ARHGAP15: variants seen among roughly 807,000 people sequenced by gnomAD.
ARHGAP15 encodes the protein Rho GTPase activating protein 15, also known as rho GTPase-activating protein 15.
A neutral mutation model predicts 63.7 loss-of-function variants in ARHGAP15; 51 were observed. The ratio of observed to expected loss-of-function variants is 0.80; its 90% confidence interval spans 0.64 to 1.01. The LOEUF (loss-of-function observed/expected upper bound fraction) is 1.01, where lower values mean the gene tolerates loss of function less well. Among genes scored for constraint, ARHGAP15 ranks in the 50% least tolerant of loss-of-function variants. The pLI is 0.00. For synonymous variants in ARHGAP15, 191 were observed against 193.8 expected (o/e 0.99, Z 0.12); for missense variants, 560 against 564.6 (o/e 0.99, Z 0.08).
rs569056735 is a variant in ARHGAP15 at position 143,191,706 on chromosome 2, T to C, written c.166-10428T>C. On this transcript the variant is annotated intron_variant, in intron 2 of 13. Coordinates refer to ENST00000295095, the MANE Select transcript of ARHGAP15 (RefSeq NM_018460.4). ...ACCACAGCAATCAGATTAATGAGTT[T>C]TGGATCAATCTAGTCATTCTTTTTT... 7.9e-4 allele frequency among the ~76,000 whole-genome samples: 121 copies of C among 152,306 alleles called. 1 individual carries two copies. Among genetic ancestry groups the C allele is most frequent in the African/African-American group, 2.8e-3 (118 of 41,562 alleles).
chr2:143,256,773 G>A (rs1036032103), intron 6 of ARHGAP15, among the ~76,000 whole-genome samples: 1 of 151,996 alleles, frequency 6.6e-6, no homozygotes, highest in Non-Finnish European at 1.5e-5. Flanking sequence ...TATAATTAGA[G>A]ATTTGATTTA....
chr2:143,183,944 T>C (rs116365391), intron 2 of ARHGAP15, among the ~76,000 whole-genome samples: 352 of 152,278 alleles, frequency 2.3e-3, no homozygotes, highest in African/African-American at 8.2e-3. Flanking sequence ...GCCCTTGCTC[T>C]TGAGAGCTCG....
chr2:143,369,242 C>T (rs1686435377), intron 6 of ARHGAP15, among the ~76,000 whole-genome samples: 1 of 152,066 alleles, frequency 6.6e-6, no homozygotes, highest in South Asian at 2.1e-4. Flanking sequence ...TTCAGTGATA[C>T]TTATGCTCTT....
At chr2:143,573,635 C>T (rs1199969769) in intron 11 of ARHGAP15, among the ~76,000 whole-genome samples, 1 of 152,100 alleles carries the variant, frequency 6.6e-6, no homozygotes, top group Non-Finnish European at 1.5e-5. Context: ...TTATAATCAC[C>T]CCATCCTTCA....
chr2:143,556,782 A>G (rs1695818677), intron 11 of ARHGAP15, among the ~76,000 whole-genome samples: 1 of 152,132 alleles, frequency 6.6e-6, no homozygotes. Flanking sequence ...ACCCAGATTC[A>G]AAAAATGTTA....
chr2:143,590,384 G>A (rs1319285589), intron 11 of ARHGAP15, among the ~76,000 whole-genome samples: 1 of 152,168 alleles, frequency 6.6e-6, no homozygotes, highest in African/African-American at 2.4e-5. Flanking sequence ...TGAGCAGAAG[G>A]ATCTTGCAGT....
chr2:143,351,020 C>A (rs1685546121), intron 6 of ARHGAP15: 1 of 151,686 alleles, frequency 6.6e-6, no homozygotes, highest in African/African-American at 2.4e-5. Context: ...TTATATAGTA[C>A]CCAGAAGGTC....
Position 143,199,006 on chromosome 2 carries a change from A to T in ARHGAP15, c.166-3128A>T, listed in dbSNP as rs560926476. On this transcript the variant is annotated intron_variant, in intron 2 of 13. Transcript: ENST00000295095. The stretch of plus-strand genomic sequence containing the variant: ...GACGTATGTATGAAATTTTCAGTGG[A>T]GAGTATAAATCTTAGTATAATGAGT... Among the ~76,000 whole-genome samples the T allele has an allele frequency of 2.0e-5, 3 of 152,258 alleles. No individual in the cohort carries two copies. The South Asian group carries it at 6.2e-4, about 32-fold the overall frequency.
At chr2:143,269,365 A>G (rs530503343) in intron 6 of ARHGAP15, among the ~76,000 whole-genome samples, 3 of 152,202 alleles carry the variant, frequency 2.0e-5, no homozygotes, top group Non-Finnish European at 4.4e-5. Flanking sequence ...TACGGAAGTC[A>G]TGATCCTTAC....
chr2:143,132,919 C>A (rs560532683), intron 1 of ARHGAP15, among the ~76,000 whole-genome samples: 1 of 151,904 alleles, frequency 6.6e-6, no homozygotes, highest in South Asian at 2.1e-4. Context: ...GTATGTTTGA[C>A]AACTCCTCAC....
chr2:143,543,904 A>T (rs1022889607), intron 10 of ARHGAP15, among the ~76,000 whole-genome samples: 1 of 152,166 alleles, frequency 6.6e-6, no homozygotes, highest in Admixed American at 6.5e-5. Flanking sequence ...GTACAGAATG[A>T]AGCTGAGAAG....
intron 11 of ARHGAP15, among the ~76,000 whole-genome samples, chr2:143,605,388 T>C (rs1350652717): frequency 6.6e-6 from 1 of 152,142 alleles, no homozygotes; most frequent in Non-Finnish European, 1.5e-5. Context: ...TGGTATTCTA[T>C]TCTGCTGGGA....
rs140418672 is a variant in ARHGAP15 at position 143,320,295 on chromosome 2, T to A, written c.474+69695T>A. On this transcript the variant is annotated intron_variant, in intron 6 of 13. Transcript: ENST00000295095. The stretch of plus-strand genomic sequence containing the variant: ...CTGGAGCTGGCTGCAGAGCTGATTG[T>A]GCACATCTCTTCTGAACTCCACATT... 5.3e-5 allele frequency among the ~76,000 whole-genome samples: 8 copies of A among 152,144 alleles called. No homozygotes were observed. The East Asian group carries it at 9.7e-4, about 18-fold the overall frequency.
At chr2:143,248,939 C>T (rs572144135) in intron 5 of ARHGAP15, among the ~76,000 whole-genome samples, 3 of 152,266 alleles carry the variant, frequency 2.0e-5, no homozygotes, top group South Asian at 2.1e-4. Flanking sequence ...CATTTTGTTA[C>T]GTACTCTTAA....
intron 13 of ARHGAP15, among the ~76,000 whole-genome samples, chr2:143,724,824 G>A (rs1040421381): frequency 1.1e-4 from 16 of 152,132 alleles, no homozygotes; most frequent in Non-Finnish European, 1.8e-4. Flanking sequence ...AATTCACAAC[G>A]ATCAGCATTA....
At chr2:143,281,675 T>C (rs550324230) in intron 6 of ARHGAP15, among the ~76,000 whole-genome samples, 5 of 152,314 alleles carry the variant, frequency 3.3e-5, no homozygotes, top group African/African-American at 9.6e-5. Flanking sequence ...TGTTTCATTA[T>C]GGTAATACAA....
chr2:143,533,496 C>G (rs1694612017), intron 10 of ARHGAP15, among the ~76,000 whole-genome samples: 1 of 152,178 alleles, frequency 6.6e-6, no homozygotes, highest in Non-Finnish European at 1.5e-5. Flanking sequence ...TATACTCCAG[C>G]TTGATGTTCA....
intron 8 of ARHGAP15, among the ~76,000 whole-genome samples, chr2:143,443,615 A>C (rs1248148064): frequency 6.6e-6 from 1 of 152,208 alleles, no homozygotes; most frequent in Admixed American, 6.5e-5. Flanking sequence ...TGTTTTTCAC[A>C]GGTTGAGAGT....
chr2:143,470,182 G>A (rs1194892910), intron 8 of ARHGAP15, among the ~76,000 whole-genome samples: 2 of 150,792 alleles, frequency 1.3e-5, no homozygotes, highest in Non-Finnish European at 1.5e-5. Flanking sequence ...TTATTTTAAT[G>A]TATTCTATTT....
Sources: allele counts gnomAD v4.1 joint callset (sites outside exome capture counted in the v4.1 genomes callset), GRCh38; gene constraint gnomAD v4.1.1; transcripts MANE v1.5; gene names NCBI Gene and HGNC (gene_info 2026-07-23, HGNC 2026-07-21).